The following MECR variants were observed in gnomAD, a reference collection of about 807,000 sequenced individuals.
MECR encodes the protein mitochondrial trans-2-enoyl-CoA reductase.
Under a neutral mutation model 49.1 loss-of-function variants are expected in MECR, and 37 were observed. That is an observed-to-expected ratio of 0.75 (90% CI 0.58 to 0.99). The LOEUF (loss-of-function observed/expected upper bound fraction) is 0.99. Among genes scored for constraint, MECR ranks in the 50% least tolerant of loss-of-function variants. The pLI is 0.00. For missense variants in MECR, 470 were observed against 479.6 expected, an observed-to-expected ratio of 0.98 and a Z score of 0.19; for synonymous variants, 198 against 191.1, an observed-to-expected ratio of 1.04 and a Z score of -0.30.
At chr1:29,180,949 C>G in the MECR span, among the ~76,000 whole-genome samples, 1 of 152,220 alleles carries the variant, frequency 6.6e-6, no homozygotes, top group African/African-American at 2.4e-5. Flanking sequence ...AACGGCCAAG[C>G]AATTTTTCGG....
chr1:29,180,071 C>T, the MECR span, among the ~76,000 whole-genome samples: 6 of 152,214 alleles, frequency 3.9e-5, no homozygotes, highest in Non-Finnish European at 7.3e-5. Context: ...AAGCCAAATG[C>T]TTTACATTTA....
chr1:29,212,098 C>G (rs1426020916), intron 3 of MECR, among the ~76,000 whole-genome samples: 2 of 152,222 alleles, frequency 1.3e-5, no homozygotes, highest in Non-Finnish European at 2.9e-5. Flanking sequence ...AATCCTCATC[C>G]TCTCTGGCTG....
chr1:29,198,913 G>A (rs904822398), intron 7 of MECR, among the ~76,000 whole-genome samples: 1 of 152,122 alleles, frequency 6.6e-6, no homozygotes. Flanking sequence ...CACTGCGCCC[G>A]GCCTGGGCCT....
chr1:29,201,774 C>T lies in MECR; in HGVS notation c.756+169G>A, dbSNP rs765092374. Among the ~76,000 whole-genome samples the T allele has an allele frequency of 3.3e-5, 5 of 152,180 alleles. No homozygotes were observed. Among genetic ancestry groups the T allele is most frequent in the African/African-American group, 7.2e-5 (3 of 41,448 alleles). The stretch of plus-strand genomic sequence containing the variant: ...CCTCCCAGCATCTGGGCACTTAATG[C>T]GTGCTGCCTGCCGCCTGGCTAGGGG... On this transcript the variant is annotated intron_variant, in intron 6 of 9. Transcript: ENST00000263702. The surrounding 1 kb of genome is among the most constrained non-coding windows in gnomAD (Gnocchi z 4.3).
chr1:29,169,816 C>T, the MECR span: 1 of 152,168 alleles, frequency 6.6e-6, no homozygotes. Context: ...ACAGAACAAT[C>T]ATTATCCTAA....
chr1:29,181,296 G>A, the MECR span, among the ~76,000 whole-genome samples: 1 of 152,228 alleles, frequency 6.6e-6, no homozygotes, highest in Non-Finnish European at 1.5e-5. Flanking sequence ...TGTCTACCCA[G>A]AAACGAATAG....
the MECR span, chr1:29,181,585 G>A: frequency 6.5e-6 from 9 of 1,387,746 alleles, no homozygotes; most frequent in Middle Eastern, 1.8e-4. Flanking sequence ...CGTCCCCGCG[G>A]CCTCCCCACC....
At chr1:29,210,652 G>C (rs895621800) in intron 3 of MECR, among the ~76,000 whole-genome samples, 22 of 152,146 alleles carry the variant, frequency 1.4e-4, no homozygotes, top group African/African-American at 5.1e-4. Context: ...CTGGGTGGGA[G>C]GGAGGCAGCA....
chr1:29,170,065 A>G, the MECR span: 2 of 152,208 alleles, frequency 1.3e-5, no homozygotes, highest in Admixed American at 6.5e-5. Flanking sequence ...TTCTTTTTTG[A>G]TATTTTAAAG....
chr1:29,205,240 G>A, intron 4 of MECR, among the ~76,000 whole-genome samples: 1 of 152,032 alleles, frequency 6.6e-6, no homozygotes, highest in East Asian at 2.0e-4. Flanking sequence ...GCTGGAGTGC[G>A]GTGGTGCAAT....
In MECR at chr1:29,193,957, G is replaced by A. The variant is rs996501274; in HGVS notation, c.*65C>T. The A allele has an allele frequency of 2.5e-6, 4 of 1,584,738 alleles. No individual in the cohort carries two copies. Among genetic ancestry groups the A allele is most frequent in the African/African-American group, 1.4e-5 (1 of 73,950 alleles). Reference sequence around the variant, plus strand: ...TGGGGAAGGTGGGAGCCCCAACTGAGGGGCCTGCACCCAGCCCCTCAGATC... The same window carrying A: ...TGGGGAAGGTGGGAGCCCCAACTGAAGGGCCTGCACCCAGCCCCTCAGATC... On this transcript the variant is annotated 3_prime_UTR_variant, in exon 10 of 10. Transcript: ENST00000263702.
At chr1:29,170,631 T>C in the MECR span, 3 of 152,352 alleles carry the variant, frequency 2.0e-5, no homozygotes, top group East Asian at 5.8e-4. Flanking sequence ...ATTAAGTATT[T>C]TAATGAATTT....
intron 3 of MECR, among the ~76,000 whole-genome samples, chr1:29,210,270 C>T (rs976085670): frequency 1.3e-5 from 2 of 152,128 alleles, no homozygotes; most frequent in Non-Finnish European, 2.9e-5. Flanking sequence ...TCTTGGCCTC[C>T]CAAAGTGCTG....
At chr1:29,221,064 G>C (rs1351627796) in intron 1 of MECR, 2 of 226,324 alleles carry the variant, frequency 8.8e-6, no homozygotes, top group Non-Finnish European at 1.5e-5. Flanking sequence ...GGTGGGCATG[G>C]TAGCACGCAC....
At chr1:29,191,699 C>T (rs886691517), downstream of MECR, among the ~76,000 whole-genome samples, 1 of 152,210 alleles carries the variant, frequency 6.6e-6, no homozygotes, top group African/African-American at 2.4e-5. Flanking sequence ...AGACCTTTCC[C>T]AGCCCCAGGC....
chr1:29,194,131 C>G lies in MECR; in HGVS notation c.1013G>C (p.Gly338Ala), dbSNP rs1229698727. 1.2e-6 allele frequency: 2 copies of G among 1,613,956 alleles called. No homozygotes were observed. The highest frequency in any genetic ancestry group is 1.7e-5 in the Admixed American group (1 of 60,000). ...ILTLCDLIRR[G>A]QLTAPACSQV... ...GGAGCAGGCAGGGGCTGTGAGCTGG[C>G]CTCGGCGGATGAGATCGCACAGTGT... Residue 338 changes from glycine to alanine, a missense_variant, in exon 10 of 10, where the codon GGC (glycine) becomes GCC (alanine). Physicochemically the swap from Gly to Ala is moderately conservative, Grantham distance 60 (BLOSUM62 0). Coordinates refer to ENST00000263702, the MANE Select transcript of MECR (RefSeq NM_016011.5).
chr1:29,203,587 C>G (rs1272690147), intron 4 of MECR, among the ~76,000 whole-genome samples: 2 of 152,246 alleles, frequency 1.3e-5, no homozygotes, highest in Admixed American at 1.3e-4. Context: ...ATGTTTCCCT[C>G]CTTCTCTCTT....
chr1:29,229,840 A>C (rs1683005988), intron 1 of MECR, among the ~76,000 whole-genome samples: 2 of 152,222 alleles, frequency 1.3e-5, no homozygotes, highest in Admixed American at 1.3e-4. Flanking sequence ...AGCCCTTCTG[A>C]ATGGCTATTT....
chr1:29,178,353 C>CTTTTTTTTTTTTTTTT, the MECR span, among the ~76,000 whole-genome samples: 3 of 127,884 alleles, frequency 2.3e-5, no homozygotes, highest in Non-Finnish European at 4.8e-5. Flanking sequence ...GTTTCAATTA[C>CTTTTTTTTTTTTTTTT]TTTTTTTTTT....
Sources: gnomAD v4.1 joint callset for allele counts (sites outside exome capture counted in the v4.1 genomes callset) on GRCh38, gnomAD v4.1.1 for gene constraint, Gnocchi (gnomAD v3.1) non-coding constraint, MANE v1.5 for transcripts, NCBI Gene and HGNC (gene_info 2026-07-23, HGNC 2026-07-21) for gene names.